GPATCH2: variants seen among roughly 807,000 people sequenced by gnomAD.
The protein encoded by GPATCH2 is G patch domain-containing protein 2.
Under a neutral mutation model 58.0 loss-of-function variants are expected in GPATCH2, and 51 were observed. The observed-to-expected ratio is 0.88, with a 90% CI of 0.70 to 1.11. GPATCH2 has a LOEUF of 1.11. GPATCH2 is among the 50% of genes most tolerant of loss of function. GPATCH2 has a pLI of 0.00. For synonymous variants in GPATCH2, 222 were observed against 218.5 expected (o/e 1.02, Z -0.14); for missense variants, 625 against 652.2 (o/e 0.96, Z 0.45).
chr1:217,517,385 A>C (rs1663219657), intron 5 of GPATCH2, among the ~76,000 whole-genome samples: 1 of 152,120 alleles, frequency 6.6e-6, no homozygotes, highest in Non-Finnish European at 1.5e-5. Context: ...CAGGAGTAAA[A>C]TGTTCTTACA....
At position 217,619,830 on chromosome 1, in the gene GPATCH2, T is replaced by G; in HGVS notation, c.726A>C (p.Lys242Asn). The change falls in exon 2 of 10, where the codon AAA (lysine) becomes AAC (asparagine). Residue 242 changes from lysine to asparagine, a missense_variant. Transcript: ENST00000366935. ...SEETNQTNKDKMECEEQKVSD... is the reference protein window; with the variant it reads ...SEETNQTNKDNMECEEQKVSD... ...AGACTTTTTGCTCTTCACATTCCAT[T>G]TTGTCCTTATTGGTCTGGTTCGTTT... is the stretch of plus-strand genomic sequence containing the variant. 1 of 1,611,464 alleles carries G rather than the reference T, an allele frequency of 6.2e-7. No individual in the cohort carries two copies. The highest frequency in any genetic ancestry group is 1.1e-5 in the South Asian group (1 of 90,728).
intron 5 of GPATCH2, among the ~76,000 whole-genome samples, chr1:217,584,202 A>G (rs1667210906): frequency 6.6e-6 from 1 of 151,700 alleles, no homozygotes; most frequent in Non-Finnish European, 1.5e-5. Context: ...GGTGTGGTCA[A>G]AATTAATGTT....
chr1:217,491,212 C>T (rs1661716354), intron 8 of GPATCH2, among the ~76,000 whole-genome samples: 1 of 152,088 alleles, frequency 6.6e-6, no homozygotes, highest in Non-Finnish European at 1.5e-5. Context: ...GGGAGAAATT[C>T]TTTGTATTAT....
Position 217,498,355 on chromosome 1 carries a change from C to T in GPATCH2, c.1206+1G>A. On this transcript the variant is annotated splice_donor_variant, in intron 7 of 9. Transcript: ENST00000366935. LOFTEE classifies it high-confidence loss of function. ...TCCTTTTGGATTACAATGGTCCTTA[C>T]CTGGTCATGCTCTGTCCTAGCCCCA... The T allele has an allele frequency of 6.2e-7, 1 of 1,610,928 alleles. No homozygotes were observed. Among genetic ancestry groups the T allele is most frequent in the Non-Finnish European group, 8.5e-7 (1 of 1,177,086 alleles).
intron 5 of GPATCH2, among the ~76,000 whole-genome samples, chr1:217,602,705 G>A (rs1668164946): frequency 6.6e-6 from 1 of 152,078 alleles, no homozygotes; most frequent in Non-Finnish European, 1.5e-5. Flanking sequence ...AACATACAAA[G>A]GGAAGAAAGG....
chr1:217,547,855 T>A (rs1665143821), intron 5 of GPATCH2, among the ~76,000 whole-genome samples: 1 of 152,070 alleles, frequency 6.6e-6, no homozygotes. Flanking sequence ...GATTGAATCA[T>A]GGGGGTGAAC....
intron 5 of GPATCH2, among the ~76,000 whole-genome samples, chr1:217,559,099 A>T (rs985329528): frequency 4.6e-5 from 7 of 152,210 alleles, no homozygotes; most frequent in Admixed American, 6.5e-5. Flanking sequence ...ACAATTAATT[A>T]AAAATGGCAC....
chr1:217,501,366 A>G (rs1371370012), intron 6 of GPATCH2, among the ~76,000 whole-genome samples: 2 of 152,144 alleles, frequency 1.3e-5, no homozygotes, highest in African/African-American at 4.8e-5. Context: ...TCTGAGTTAT[A>G]TCCAATTTTG....
chr1:217,598,515 C>G (rs1571628057), intron 5 of GPATCH2, among the ~76,000 whole-genome samples: 1 of 151,882 alleles, frequency 6.6e-6, no homozygotes, highest in African/African-American at 2.4e-5. Flanking sequence ...TGCAGTGGCG[C>G]AGTCTTGGTT....
intron 5 of GPATCH2, among the ~76,000 whole-genome samples, chr1:217,548,233 G>T (rs1324726064): frequency 6.6e-6 from 1 of 152,078 alleles, no homozygotes. Context: ...CACACAGAGA[G>T]GAAAAACAGA....
intron 9 of GPATCH2, among the ~76,000 whole-genome samples, chr1:217,434,796 AG>A (rs1658734496): frequency 6.6e-6 from 1 of 152,184 alleles, no homozygotes; most frequent in Non-Finnish European, 1.5e-5. Context: ...CAAGCAGGGT[AG>A]CCCAGGGGTG....
At chr1:217,526,300 A>C (rs1395154891) in intron 5 of GPATCH2, among the ~76,000 whole-genome samples, 1 of 152,184 alleles carries the variant, frequency 6.6e-6, no homozygotes, top group Non-Finnish European at 1.5e-5. Flanking sequence ...TGTTCTCCTA[A>C]AACAAACATG....
intron 5 of GPATCH2, among the ~76,000 whole-genome samples, chr1:217,572,856 C>CTCATA: frequency 6.6e-6 from 1 of 152,154 alleles, no homozygotes; most frequent in Admixed American, 6.5e-5. Flanking sequence ...AGCTACTTTT[C>CTCATA]TGGGTGAAGG....
intron 5 of GPATCH2, among the ~76,000 whole-genome samples, chr1:217,590,999 C>T (rs1284047093): frequency 6.6e-6 from 1 of 151,896 alleles, no homozygotes; most frequent in African/African-American, 2.4e-5. Context: ...CCTAGAATTG[C>T]AAGAAAAATA....
intron 8 of GPATCH2, among the ~76,000 whole-genome samples, chr1:217,467,388 A>C (rs1660510811): frequency 6.6e-6 from 1 of 152,178 alleles, no homozygotes; most frequent in African/African-American, 2.4e-5. Flanking sequence ...CTTAGAAACT[A>C]TTTCAAGTTA....
At position 217,431,098 on chromosome 1, in the gene GPATCH2, T is replaced by G; in HGVS notation, c.*47A>C. The G allele has an allele frequency of 1.1e-6, 1 of 930,718 alleles. No homozygotes were observed. The highest frequency in any genetic ancestry group is 1.8e-6 in the Non-Finnish European group (1 of 556,468). 57.7% of individuals were successfully genotyped at this position (930,718 alleles called of 1,614,324 possible). ...AAGTCATGTTATCATTTTAGAACAA[T>G]GGGACATAGTGAATAAAGTCTGTAA... On this transcript the variant is annotated 3_prime_UTR_variant, in exon 10 of 10. Transcript: ENST00000366935.
intron 5 of GPATCH2, among the ~76,000 whole-genome samples, chr1:217,526,511 A>C (rs1183261850): frequency 6.6e-6 from 1 of 152,228 alleles, no homozygotes; most frequent in Admixed American, 6.5e-5. Context: ...AATTAAAAAG[A>C]GGTAAAATAT....
chr1:217,605,426 T>C (rs1360970999), intron 5 of GPATCH2, among the ~76,000 whole-genome samples: 1 of 152,224 alleles, frequency 6.6e-6, no homozygotes, highest in Non-Finnish European at 1.5e-5. Flanking sequence ...ATTCATTTTC[T>C]TTGGCAGAAT....
chr1:217,520,267 A>C (rs985120787), intron 5 of GPATCH2, among the ~76,000 whole-genome samples: 11 of 152,222 alleles, frequency 7.2e-5, no homozygotes, highest in African/African-American at 2.4e-4. Context: ...CCTCCTAGAA[A>C]GAATATTCAG....
Sources: gnomAD v4.1 joint callset for allele counts (sites outside exome capture counted in the v4.1 genomes callset) on GRCh38, gnomAD v4.1.1 for gene constraint, MANE v1.5 for transcripts, NCBI Gene and HGNC (gene_info 2026-07-23, HGNC 2026-07-21) for gene names.